CASP9: variants seen among roughly 807,000 people sequenced by gnomAD.
CASP9 encodes the protein caspase-9.
In CASP9, 29 loss-of-function variants were observed where a neutral mutation model predicts 43.5. The ratio of observed to expected loss-of-function variants is 0.67; its 90% CI spans 0.50 to 0.91. The LOEUF (loss-of-function observed/expected upper bound fraction) is 0.91. Among genes scored for constraint, CASP9 ranks in the 40% least tolerant of loss-of-function variants. The probability of loss-of-function intolerance (pLI) is 0.00; values close to 1 mark genes in which losing one functional copy is unlikely to be tolerated. For missense variants in CASP9, 575 were observed against 537.4 expected (o/e 1.07, Z -0.69); for synonymous variants, 206 against 211.9 (o/e 0.97, Z 0.24).
At chr1:15,522,254 G>A (rs951922873) in intron 1 of CASP9, among the ~76,000 whole-genome samples, 1 of 152,204 alleles carries the variant, frequency 6.6e-6, no homozygotes, top group African/African-American at 2.4e-5. Flanking sequence ...GCCAGGATGA[G>A]AGCCCAGATC....
chr1:15,493,655 G>A (rs1708979071), intron 8 of CASP9: 1 of 1,446,614 alleles, frequency 6.9e-7, no homozygotes, highest in Non-Finnish European at 9.1e-7. Context: ...TGTCAACCTG[G>A]GGACCTTGGA....
At chr1:15,513,722 A>C (rs1323890571) in intron 2 of CASP9, among the ~76,000 whole-genome samples, 1 of 152,146 alleles carries the variant, frequency 6.6e-6, no homozygotes, top group East Asian at 1.9e-4. Flanking sequence ...TGTGTGAGCT[A>C]ATGAGTAATG....
intron 4 of CASP9, among the ~76,000 whole-genome samples, chr1:15,506,679 G>A (rs181606566): frequency 1.1e-3 from 174 of 152,304 alleles, no homozygotes; most frequent in Non-Finnish European, 1.6e-3. Context: ...AGGAAACTGA[G>A]GCACAGGAGG....
rs751589736 is a variant in CASP9 at position 15,506,990 on chromosome 1, C to T, written c.539G>A (p.Arg180His). 10 of 1,614,082 alleles carry T rather than the reference C, an allele frequency of 6.2e-6. No individual in the cohort carries two copies. Among genetic ancestry groups the T allele is most frequent in the East Asian group, 2.2e-5 (1 of 44,886 alleles). ...CTCACAGTCGATGTTGGAGCCAGTGCGGGTGCGGAGCCCGGACTCACGGCA... is the reference window on the plus strand; with the variant it reads ...CTCACAGTCGATGTTGGAGCCAGTGTGGGTGCGGAGCCCGGACTCACGGCA... ...NFCRESGLRT[R>H]TGSNIDCEKL... is the part of the protein sequence containing the mutation. Residue 180 changes from arginine to histidine, a missense_variant, in exon 4 of 9, where the codon CGC (arginine) becomes CAC (histidine). Physicochemically the swap from Arg to His is conservative, Grantham distance 29 (BLOSUM62 0). Transcript: ENST00000333868.
intron 2 of CASP9, among the ~76,000 whole-genome samples, chr1:15,516,671 T>C (rs1709962855): frequency 6.6e-6 from 1 of 152,192 alleles, no homozygotes; most frequent in Non-Finnish European, 1.5e-5. Context: ...TATAAGTTGG[T>C]AGCATCTATC....
chr1:15,524,051 A>AAGGGGCC lies in CASP9; in HGVS notation c.132+17_132+18insGGCCCCT. 1 of 1,392,356 alleles carries AAGGGGCC rather than the reference A, an allele frequency of 7.2e-7. No homozygotes were observed. Among genetic ancestry groups the AAGGGGCC allele is most frequent in the Non-Finnish European group, 9.4e-7 (1 of 1,066,828 alleles). 86.3% of individuals were successfully genotyped at this position (1,392,356 alleles called of 1,614,324 possible). A position where few individuals can be genotyped will look rare whatever the true frequency, so the allele number is the denominator to read the frequency against. On this transcript the variant is annotated intron_variant, in intron 1 of 8. Transcript: ENST00000333868. ...GGACCCGGCCGTGCAGCGCGGGGAC[A>AAGGGGCC]GGGGGCCGGGGGCGCACCTGGATGT...
chr1:15,501,317 T>C (rs1382867930), intron 6 of CASP9, among the ~76,000 whole-genome samples: 1 of 152,176 alleles, frequency 6.6e-6, no homozygotes, highest in East Asian at 1.9e-4. Flanking sequence ...CCTGGTGCTG[T>C]TACCTCCTAA....
intron 2 of CASP9, 34 bp from the exon 3 acceptor site, chr1:15,507,941 T>C (rs376243941): frequency 3.1e-6 from 5 of 1,612,970 alleles, no homozygotes; most frequent in Admixed American, 1.7e-5. Flanking sequence ...AACATGAATG[T>C]TGGGTTACAG....
chr1:15,494,087 G>A lies in CASP9; in HGVS notation c.1049-86C>T, dbSNP rs4646097. 11,599 of 1,510,186 alleles carry A rather than the reference G, an allele frequency of 7.7e-3. 702 individuals are homozygous for A. The African/African-American group carries it at 0.14, about 18-fold the overall frequency. 93.5% of individuals were successfully genotyped at this position (1,510,186 alleles called of 1,614,324 possible). A position where few individuals can be genotyped will look rare whatever the true frequency, so the allele number is the denominator to read the frequency against. On this transcript the variant is annotated intron_variant, in intron 7 of 8. Coordinates refer to ENST00000333868, the MANE Select transcript of CASP9 (RefSeq NM_001229.5). ...CCCCTCTGGCCATGCACGCTGGCTC[G>A]GGCGCCCTCCAGACCTTGACTCATA... is the stretch of plus-strand genomic sequence containing the variant.
chr1:15,509,522 C>A (rs1417357520), intron 2 of CASP9, among the ~76,000 whole-genome samples: 2 of 150,366 alleles, frequency 1.3e-5, no homozygotes, highest in African/African-American at 2.4e-5. Flanking sequence ...GTAATCCCAG[C>A]TACTCGGGAG....
Position 15,496,034 on chromosome 1 carries a change from A to G in CASP9, c.869-582T>C, listed in dbSNP as rs371534258. 1.1e-4 allele frequency among the ~76,000 whole-genome samples: 16 copies of G among 152,368 alleles called. No homozygotes were observed. The East Asian group carries it at 2.3e-3, about 22-fold the overall frequency. Reference sequence around the variant, plus strand: ...CTTTCCCCTTTAAATTTGGAACCCTAAAATTCATGTTCAGAGAAAGGCATA... The same window carrying G: ...CTTTCCCCTTTAAATTTGGAACCCTGAAATTCATGTTCAGAGAAAGGCATA... On this transcript the variant is annotated intron_variant, in intron 6 of 8. Transcript: ENST00000333868.
intron 6 of CASP9, among the ~76,000 whole-genome samples, chr1:15,498,528 A>T (rs1709199133): frequency 6.6e-6 from 1 of 151,456 alleles, no homozygotes; most frequent in South Asian, 2.1e-4. Context: ...AAAAGACATA[A>T]AACTTGTCTT....
At chr1:15,512,861 A>C (rs972410344) in intron 2 of CASP9, among the ~76,000 whole-genome samples, 1 of 152,128 alleles carries the variant, frequency 6.6e-6, no homozygotes, top group South Asian at 2.1e-4. Context: ...CTGCCTCATA[A>C]AGGACAAATG....
intron 6 of CASP9, among the ~76,000 whole-genome samples, chr1:15,497,242 C>T (rs796701606): frequency 1.4e-5 from 2 of 146,456 alleles, no homozygotes; most frequent in African/African-American, 5.1e-5. Context: ...ATCCAGGAGG[C>T]GGAGGTTGCA....
At chr1:15,521,826 C>T (rs931067327) in intron 1 of CASP9, among the ~76,000 whole-genome samples, 1 of 152,140 alleles carries the variant, frequency 6.6e-6, no homozygotes, top group Non-Finnish European at 1.5e-5. Context: ...CTCTCATCTC[C>T]GCACACGAGG....
intron 6 of CASP9, among the ~76,000 whole-genome samples, chr1:15,497,653 A>T (rs199714178): frequency 5.5e-5 from 7 of 127,274 alleles, no homozygotes; most frequent in Non-Finnish European, 1.0e-4. Context: ...AGAAAAAAAA[A>T]AAAAAGATAT....
intron 2 of CASP9, among the ~76,000 whole-genome samples, chr1:15,517,130 G>A (rs1709981365): frequency 6.6e-6 from 1 of 152,142 alleles, no homozygotes; most frequent in Non-Finnish European, 1.5e-5. Context: ...GGAAGTGCTA[G>A]AGCTCCACAC....
At chr1:15,524,040 A>T (rs1366517575) in intron 1 of CASP9, 29 bp downstream of exon 1, 2 of 1,425,072 alleles carry the variant, frequency 1.4e-6, no homozygotes, top group African/African-American at 3.6e-5. Flanking sequence ...CCGGCCGTGC[A>T]GCGCGGGGAC....
rs940842566 is a variant in CASP9 at position 15,506,802 on chromosome 1, C to A, written c.630+97G>T. ...TCCCATGGTCCTCCAGATGTAAGGG[C>A]TCGCCTGGGGAGTCAGCTGGCTTTT... On this transcript the variant is annotated intron_variant, in intron 4 of 8. Coordinates refer to ENST00000333868, the MANE Select transcript of CASP9 (RefSeq NM_001229.5). 1.4e-5 allele frequency: 15 copies of A among 1,049,620 alleles called. No individual in the cohort carries two copies. In the Admixed American group the frequency reaches 3.1e-4, roughly 22 times the overall value. The allele number at this position is 1,049,620 out of a possible 1,614,324, so 65.0% of individuals were successfully genotyped here.
Sources: gnomAD v4.1 joint callset for allele counts (sites outside exome capture counted in the v4.1 genomes callset) on GRCh38, gnomAD v4.1.1 for gene constraint, MANE v1.5 for transcripts, NCBI Gene and HGNC (gene_info 2026-07-23, HGNC 2026-07-21) for gene names.